LHFPL3: variants seen among roughly 807,000 people sequenced by gnomAD.
LHFPL3 encodes LHFPL tetraspan subfamily member 3, also known as LHFPL tetraspan subfamily member 3 protein.
LHFPL3 carries 5 observed loss-of-function variants against 19.3 expected under a neutral mutation model. The ratio of observed to expected loss-of-function variants is 0.26; its 90% CI spans 0.14 to 0.54. The LOEUF is 0.54. Among genes scored for constraint, LHFPL3 ranks in the 20% least tolerant of loss-of-function variants. The probability of loss-of-function intolerance (pLI) is 0.94; values close to 1 mark genes in which losing one functional copy is unlikely to be tolerated. For missense variants in LHFPL3, 249 were observed against 307.4 expected (o/e 0.81, Z 1.42); for synonymous variants, 133 against 126.2 (o/e 1.05, Z -0.36).
chr7:104,590,920 A>T (rs565687827), intron 1 of LHFPL3, among the ~76,000 whole-genome samples: 42 of 152,232 alleles, frequency 2.8e-4, no homozygotes, highest in Non-Finnish European at 8.8e-5. Context: ...GTTTTATCAG[A>T]GACTAGGATT....
At chr7:104,769,617 A>AC (rs1794516548) in intron 2 of LHFPL3, among the ~76,000 whole-genome samples, 1 of 112,128 alleles carries the variant, frequency 8.9e-6, no homozygotes, top group Admixed American at 8.4e-5. Context: ...TAGCCCCCCC[A>AC]ACCCCCGACA....
intron 2 of LHFPL3, among the ~76,000 whole-genome samples, chr7:104,739,459 AAG>A (rs1439223219): frequency 6.6e-6 from 1 of 152,238 alleles, no homozygotes; most frequent in Non-Finnish European, 1.5e-5. Flanking sequence ...ATTCTAAAGG[AAG>A]AGAGGTTGGT....
chr7:104,573,710 C>T (rs945245200), intron 1 of LHFPL3, among the ~76,000 whole-genome samples: 6 of 152,330 alleles, frequency 3.9e-5, no homozygotes, highest in African/African-American at 1.4e-4. Flanking sequence ...GGTCTTCCTT[C>T]AATCAGCTCA....
intron 2 of LHFPL3, among the ~76,000 whole-genome samples, chr7:104,881,765 G>A (rs141288172): frequency 3.3e-5 from 5 of 152,222 alleles, no homozygotes; most frequent in Admixed American, 6.5e-5. Flanking sequence ...ACAGCATCAC[G>A]TGCTATAGAA....
At chr7:104,680,609 G>A (rs9886292) in intron 1 of LHFPL3, among the ~76,000 whole-genome samples, 62,495 of 152,020 alleles carry the variant, frequency 0.41, 13,271 homozygotes, top group South Asian at 0.57. Flanking sequence ...ACACTTCTCA[G>A]TTCTTCCCAG....
chr7:104,430,199 T>G lies in LHFPL3; in HGVS notation c.445+100975T>G, dbSNP rs141510381. Among the ~76,000 whole-genome samples, 54 of 150,802 alleles carry G rather than the reference T, an allele frequency of 3.6e-4. No homozygotes were observed. In the East Asian group the frequency reaches 9.6e-3, roughly 27 times the overall value. ...TCTACTTTCAAGTTGGAGTAATTGA[T>G]CCTTTATCTAGGAGACATCTGTTCT... On this transcript the variant is annotated intron_variant, in intron 1 of 2. Coordinates refer to ENST00000424859, the MANE Select transcript of LHFPL3 (RefSeq NM_199000.3).
At chr7:104,858,760 C>T (rs1791557467) in intron 2 of LHFPL3, among the ~76,000 whole-genome samples, 1 of 152,118 alleles carries the variant, frequency 6.6e-6, no homozygotes, top group African/African-American at 2.4e-5. Context: ...AGTTCTTAAT[C>T]CCCTCCCCTT....
intron 1 of LHFPL3, among the ~76,000 whole-genome samples, chr7:104,335,310 T>G (rs182768961): frequency 4.9e-4 from 74 of 152,334 alleles, no homozygotes; most frequent in African/African-American, 1.5e-3. Context: ...TTCTCCCATG[T>G]GTAGAGGAAA....
At chr7:104,513,223 T>A (rs1340332411) in intron 1 of LHFPL3, among the ~76,000 whole-genome samples, 1 of 152,158 alleles carries the variant, frequency 6.6e-6, no homozygotes, top group African/African-American at 2.4e-5. Context: ...TACTGGAAAG[T>A]AGACCAGCAG....
At chr7:104,796,008 G>A (rs1790117671) in intron 2 of LHFPL3, among the ~76,000 whole-genome samples, 1 of 152,186 alleles carries the variant, frequency 6.6e-6, no homozygotes, top group Admixed American at 6.5e-5. Context: ...CCCAGTGCCG[G>A]GGCTTCTGCC....
chr7:104,567,135 C>G (rs909887738), intron 1 of LHFPL3, among the ~76,000 whole-genome samples: 4 of 152,184 alleles, frequency 2.6e-5, no homozygotes, highest in South Asian at 2.1e-4. Flanking sequence ...CTGTCTTTCA[C>G]TTAACTTTTG....
chr7:104,694,112 AG>A (rs1174821593), intron 1 of LHFPL3, among the ~76,000 whole-genome samples: 7 of 152,352 alleles, frequency 4.6e-5, no homozygotes, highest in Admixed American at 2.6e-4. Flanking sequence ...AGAAAGAGCA[AG>A]GGCCAGAAAA....
intron 2 of LHFPL3, among the ~76,000 whole-genome samples, chr7:104,836,813 G>A (rs1358936843): frequency 6.6e-6 from 1 of 151,652 alleles, no homozygotes; most frequent in Non-Finnish European, 1.5e-5. Context: ...GACTATTTTG[G>A]TTTGTTAGTC....
chr7:104,550,103 G>T (rs529280169), intron 1 of LHFPL3, among the ~76,000 whole-genome samples: 1 of 152,144 alleles, frequency 6.6e-6, no homozygotes, highest in African/African-American at 2.4e-5. Context: ...CCTAAAAGTG[G>T]CCTACTGCAG....
At chr7:104,499,533 G>T (rs1352434651) in intron 1 of LHFPL3, among the ~76,000 whole-genome samples, 1 of 152,172 alleles carries the variant, frequency 6.6e-6, no homozygotes, top group East Asian at 1.9e-4. Context: ...TGCCAGCCTG[G>T]TTCCATGACT....
intron 1 of LHFPL3, among the ~76,000 whole-genome samples, chr7:104,720,157 T>G (rs1466994206): frequency 6.6e-6 from 1 of 152,134 alleles, no homozygotes; most frequent in Non-Finnish European, 1.5e-5. Flanking sequence ...CCTTCTACAG[T>G]AACCAAAACA....
intron 2 of LHFPL3, among the ~76,000 whole-genome samples, chr7:104,833,038 T>TATATTATATATAATAA (rs1554349396): frequency 9.3e-5 from 2 of 21,608 alleles, no homozygotes; most frequent in Non-Finnish European, 1.4e-4. Flanking sequence ...ATATTATATA[T>TATATTATATATAATAA]ATATATTATA....
chr7:104,572,372 C>T (rs534452336), intron 1 of LHFPL3, among the ~76,000 whole-genome samples: 20 of 152,122 alleles, frequency 1.3e-4, no homozygotes, highest in African/African-American at 4.1e-4. Flanking sequence ...TGAATTTAGG[C>T]GAGGTAAATG....
At chr7:104,668,600 T>G (rs1425538816) in intron 1 of LHFPL3, 29 of 1,612,386 alleles carry the variant, frequency 1.8e-5, no homozygotes, top group Non-Finnish European at 2.5e-5. Flanking sequence ...ATCGCAGGGA[T>G]GATGACTACA....
Sources: gnomAD v4.1 joint callset for allele counts (sites outside exome capture counted in the v4.1 genomes callset) on GRCh38, gnomAD v4.1.1 for gene constraint, MANE v1.5 for transcripts, NCBI Gene and HGNC (gene_info 2026-07-23, HGNC 2026-07-21) for gene names.